Variants in ZNF544 observed in about 807,000 individuals in gnomAD.
The protein encoded by ZNF544 is zinc finger protein AF020591.
Under a neutral mutation model 13.5 loss-of-function variants are expected in ZNF544, and 10 were observed. The ratio of observed to expected loss-of-function variants is 0.74; its 90% CI spans 0.46 to 1.25. ZNF544 has a LOEUF of 1.25. Ranked by LOEUF, ZNF544 falls within the 50% of genes most tolerant of loss-of-function variation. The pLI, the probability that ZNF544 is intolerant of heterozygous loss-of-function variation, is 0.00. For missense variants in ZNF544, 896 were observed against 845.6 expected (o/e 1.06, Z -0.74); for synonymous variants, 323 against 300.5 (o/e 1.07, Z -0.77).
chr19:58,247,011 C>G (rs2045372009), intron 6 of ZNF544, among the ~76,000 whole-genome samples: 1 of 152,208 alleles, frequency 6.6e-6, no homozygotes, highest in African/African-American at 2.4e-5. Context: ...TCACCACAAT[C>G]AGTTCTAGAA....
intron 6 of ZNF544, among the ~76,000 whole-genome samples, chr19:58,256,138 G>T (rs945066833): frequency 1.3e-5 from 2 of 152,088 alleles, no homozygotes; most frequent in African/African-American, 4.8e-5. Context: ...AAGAGAGAGA[G>T]AAAAGGATTC....
At position 58,243,159 on chromosome 19, in the gene ZNF544, T is replaced by G. The variant is rs1288209279; in HGVS notation, c.-59-806T>G. Among the ~76,000 whole-genome samples the G allele has an allele frequency of 3.3e-5, 5 of 152,166 alleles. No individual in the cohort carries two copies. In the East Asian group the frequency reaches 9.7e-4, roughly 29 times the overall value. ...TCAGAGTTCAAGGCTCTTCATGAAC[T>G]AGAAAGCATTGTGCAAATGAAAGGC... On this transcript the variant is annotated intron_variant, in intron 3 of 6. Coordinates refer to ENST00000687789, the MANE Select transcript of ZNF544 (RefSeq NM_014480.4).
intron 6 of ZNF544, 123 bp from the exon 7 acceptor site, chr19:58,260,728 T>C (rs2048735695): frequency 2.2e-6 from 2 of 906,666 alleles, no homozygotes; most frequent in Non-Finnish European, 3.2e-6. Flanking sequence ...GCATACGGAT[T>C]ACAGTTTGTA....
At chr19:58,273,764 TAA>T (rs1400754435) in intron 5 of ZNF544, among the ~76,000 whole-genome samples, 1 of 151,950 alleles carries the variant, frequency 6.6e-6, no homozygotes, top group Non-Finnish European at 1.5e-5. Flanking sequence ...TTCACACTCT[TAA>T]AAGTCACTGA....
chr19:58,235,231 T>C (rs1441982216), intron 3 of ZNF544, among the ~76,000 whole-genome samples: 1 of 152,244 alleles, frequency 6.6e-6, no homozygotes, highest in Admixed American at 6.5e-5. Context: ...GTGAATACTA[T>C]TGGCAACTAT....
At chr19:58,272,702 G>C (rs1460552506) in intron 5 of ZNF544, among the ~76,000 whole-genome samples, 2 of 151,920 alleles carry the variant, frequency 1.3e-5, no homozygotes, top group South Asian at 2.1e-4. Context: ...GGCCAACATG[G>C]TGAAACCCCG....
chr19:58,261,579 C>A lies in ZNF544; in HGVS notation c.973C>A (p.Pro325Thr). 1 of 1,614,170 alleles carries A rather than the reference C, an allele frequency of 6.2e-7. No homozygotes were observed. The highest frequency in any genetic ancestry group is 8.5e-7 in the Non-Finnish European group (1 of 1,180,028). ...AGAAAGAAGTGGCCCTGGAGAGACC[C>A]CCTTCAGATGTGAGGAACGCTGTGC... ...QTERSGPGET[P>T]FRCEERCAAF... Residue 325 changes from proline (P) to threonine (T), a missense_variant, in exon 7 of 7, where the codon CCC (proline) becomes ACC (threonine). Pro to Thr is a conservative substitution (Grantham distance 38). Transcript: ENST00000687789.
Position 58,263,557 on chromosome 19 carries a change from G to A in ZNF544, c.*803G>A. On this transcript the variant is annotated 3_prime_UTR_variant, in exon 7 of 7. Transcript: ENST00000687789. The stretch of plus-strand genomic sequence containing the variant: ...TCTCAGAGTGGGGCTTCATGACCAT[G>A]TGCATCAGAATTGCCTGGAGTGTGC... The A allele has an allele frequency of 1.0e-6, 1 of 985,480 alleles. No homozygotes were observed. The highest frequency in any genetic ancestry group is 1.2e-6 in the Non-Finnish European group (1 of 829,944). 61.0% of individuals were successfully genotyped at this position (985,480 alleles called of 1,614,324 possible).
intron 3 of ZNF544, among the ~76,000 whole-genome samples, chr19:58,232,896 G>A (rs1478205694): frequency 2.2e-5 from 3 of 138,040 alleles, no homozygotes; most frequent in Middle Eastern, 4.6e-3. Context: ...GCAGTGAGCC[G>A]AGATCGTGCC....
intron 3 of ZNF544, among the ~76,000 whole-genome samples, chr19:58,237,508 C>T (rs914989290): frequency 3.3e-5 from 5 of 152,218 alleles, no homozygotes; most frequent in Admixed American, 6.5e-5. Context: ...TAGTGTTAGG[C>T]ACAGCCTGGC....
Position 58,261,357 on chromosome 19 carries a change from CTCAA to C in ZNF544, c.752_755del (p.Leu251ProfsTer15), listed in dbSNP as rs770279705. 1 of 1,614,138 alleles carries C rather than the reference CTCAA, an allele frequency of 6.2e-7. No individual in the cohort carries two copies. Among genetic ancestry groups the C allele is most frequent in the Non-Finnish European group, 8.5e-7 (1 of 1,180,038 alleles). On this transcript the variant is annotated frameshift_variant, in exon 7 of 7. Coordinates refer to ENST00000687789, the MANE Select transcript of ZNF544 (RefSeq NM_014480.4). LOFTEE classifies it low-confidence loss of function (END_TRUNC). ...TGAATATATTGTCAGTGGTGACTCTCTCAACTATGGTTCCTCCCTTTGTTTTCAT... is the reference window on the plus strand; with the variant it reads ...TGAATATATTGTCAGTGGTGACTCTCCTATGGTTCCTCCCTTTGTTTTCAT...
intron 3 of ZNF544, among the ~76,000 whole-genome samples, chr19:58,239,261 G>A (rs1054852102): frequency 2.0e-5 from 3 of 152,106 alleles, no homozygotes; most frequent in Non-Finnish European, 4.4e-5. Context: ...GCTGCCCCAT[G>A]AGCTGTAGAA....
At chr19:58,256,053 G>A (rs2047260861) in intron 6 of ZNF544, among the ~76,000 whole-genome samples, 1 of 152,208 alleles carries the variant, frequency 6.6e-6, no homozygotes, top group Non-Finnish European at 1.5e-5. Context: ...CCAGAGAGTG[G>A]CTCCGGCCAG....
chr19:58,254,513 G>A (rs2046861655), intron 6 of ZNF544, among the ~76,000 whole-genome samples: 1 of 152,222 alleles, frequency 6.6e-6, no homozygotes, highest in Non-Finnish European at 1.5e-5. Context: ...AGCCTAGGGT[G>A]TCCCCTTTGG....
At chr19:58,236,906 TA>T in intron 3 of ZNF544, among the ~76,000 whole-genome samples, 1 of 151,730 alleles carries the variant, frequency 6.6e-6, no homozygotes, top group African/African-American at 2.4e-5. Context: ...CATGCCCAGC[TA>T]ATTTTTTGTA....
chr19:58,240,955 T>C (rs1266083963), intron 3 of ZNF544, among the ~76,000 whole-genome samples: 1 of 149,970 alleles, frequency 6.7e-6, no homozygotes, highest in East Asian at 2.0e-4. Context: ...TCTTTCTCCT[T>C]CTCTTTTCTT....
intron 6 of ZNF544, among the ~76,000 whole-genome samples, chr19:58,251,105 G>C (rs2046226689): frequency 1.3e-5 from 2 of 152,160 alleles, no homozygotes; most frequent in Admixed American, 1.3e-4. Context: ...TACCTATGCT[G>C]TCAGGAATGC....
At chr19:58,254,699 T>C (rs1356124216) in intron 6 of ZNF544, among the ~76,000 whole-genome samples, 2 of 152,194 alleles carry the variant, frequency 1.3e-5, no homozygotes, top group East Asian at 1.9e-4. Flanking sequence ...CCCAGACTTT[T>C]AGTATCCCAC....
At chr19:58,237,947 G>A (rs1242378343) in intron 3 of ZNF544, among the ~76,000 whole-genome samples, 1 of 152,164 alleles carries the variant, frequency 6.6e-6, no homozygotes, top group Non-Finnish European at 1.5e-5. Flanking sequence ...GGGAGTGTCT[G>A]GAGATTTTTA....
Sources: allele counts gnomAD v4.1 joint callset (sites outside exome capture counted in the v4.1 genomes callset), GRCh38; gene constraint gnomAD v4.1.1; transcripts MANE v1.5; gene names NCBI Gene and HGNC (gene_info 2026-07-23, HGNC 2026-07-21).